RCVRN: variants seen among roughly 807,000 people sequenced by gnomAD.
RCVRN encodes the protein recoverin.
RCVRN carries 23 observed loss-of-function variants against 20.4 expected under a neutral mutation model. The observed-to-expected ratio is 1.13, with a 90% CI of 0.81 to 1.60. RCVRN has a LOEUF of 1.60. Ranked by LOEUF, RCVRN falls within the 40% of genes most tolerant of loss-of-function variation. RCVRN has a pLI of 0.00. For missense variants in RCVRN, 254 were observed against 254.2 expected (o/e 1.00, Z 0.00); for synonymous variants, 105 against 105.9 (o/e 0.99, Z 0.05).
chr17:9,900,521 C>A (rs1442274583), intron 2 of RCVRN, among the ~76,000 whole-genome samples: 1 of 128,800 alleles, frequency 7.8e-6, no homozygotes, highest in Non-Finnish European at 1.5e-5. Context: ...CTTTCTTTCC[C>A]TCTCTCCCTG....
chr17:9,897,819 G>A lies in RCVRN; in HGVS notation c.*276C>T, dbSNP rs760506339. The A allele has an allele frequency of 3.8e-5, 16 of 421,418 alleles. No homozygotes were observed. The highest frequency in any genetic ancestry group is 2.8e-4 in the Admixed American group (7 of 25,360). The allele number at this position is 421,418 out of a possible 1,614,324, so 26.1% of individuals were successfully genotyped here. On this transcript the variant is annotated 3_prime_UTR_variant, in exon 3 of 3. Transcript: ENST00000226193. ...TGGCCTAATCCTGGGATTAGCACAG[G>A]GCCATGGGCTGGTGGACAGAGGGAG...
In RCVRN at chr17:9,899,480, G is replaced by A. The variant is rs368667021; in HGVS notation, c.494-1276C>T. ...GGGGCTTCTGACGTCATCCCCTCCC[G>A]GGATGTTCACCAGGGAGGTTTTCAG... On this transcript the variant is annotated intron_variant, in intron 2 of 2. Coordinates refer to ENST00000226193, the MANE Select transcript of RCVRN (RefSeq NM_002903.3). This position sits in a 1 kb window ranked among gnomAD's most constrained non-coding sequence, Gnocchi z 4.6. Among the ~76,000 whole-genome samples the A allele has an allele frequency of 1.2e-3, 187 of 152,310 alleles. 1 individual carries two copies. The highest frequency in any genetic ancestry group is 4.2e-3 in the African/African-American group (174 of 41,562).
At chr17:9,903,739 G>C (rs1340283755) in intron 1 of RCVRN, among the ~76,000 whole-genome samples, 1 of 152,156 alleles carries the variant, frequency 6.6e-6, no homozygotes, top group African/African-American at 2.4e-5. Flanking sequence ...TTCTATGTGG[G>C]AACATCATAG....
chr17:9,897,999 T>TGTGTGTATGC lies in RCVRN; in HGVS notation c.*95_*96insGCATACACAC, dbSNP rs376748693. The TGTGTGTATGC allele has an allele frequency of 2.7e-6, 2 of 731,254 alleles. No individual in the cohort carries two copies. The highest frequency in any genetic ancestry group is 5.0e-6 in the Non-Finnish European group (2 of 399,864). The allele number at this position is 731,254 out of a possible 1,614,324, so 45.3% of individuals were successfully genotyped here. On this transcript the variant is annotated 3_prime_UTR_variant, in exon 3 of 3. Transcript: ENST00000226193. ...TGGGGTGGATGTGTGTGTGTGTGTG[T>TGTGTGTATGC]GCGCGCGCGTGTGTGTGCATGTGTG...
At chr17:9,900,043 TA>T (rs148974053) in intron 2 of RCVRN, among the ~76,000 whole-genome samples, 3 of 151,430 alleles carry the variant, frequency 2.0e-5, no homozygotes, top group African/African-American at 4.9e-5. Context: ...TGGCTTCTCT[TA>T]AAAAAAAATC....
At chr17:9,902,252 C>T (rs1409099197) in intron 1 of RCVRN, among the ~76,000 whole-genome samples, 6 of 152,154 alleles carry the variant, frequency 3.9e-5, no homozygotes, top group Non-Finnish European at 7.3e-5. Flanking sequence ...AGAGACCCCA[C>T]AGCCAATCCG....
Position 9,904,768 on chromosome 17 carries a change from C to A in RCVRN, c.381+32G>T. ...CCCCAGCCCGGAGCGACCCCGGCAC[C>A]GCCCAGCCAGAAGGGGAGAGGGGAG... is the stretch of plus-strand genomic sequence containing the variant. On this transcript the variant is annotated intron_variant, in intron 1 of 2. Transcript: ENST00000226193. This position sits in a 1 kb window ranked among gnomAD's most constrained non-coding sequence, Gnocchi z 5.8. The A allele has an allele frequency of 7.5e-6, 12 of 1,594,418 alleles. No homozygotes were observed. The highest frequency in any genetic ancestry group is 1.0e-5 in the Non-Finnish European group (12 of 1,168,134).
At chr17:9,901,151 G>T in intron 1 of RCVRN, 51 bp from the exon 2 acceptor site, 1 of 1,047,774 alleles carries the variant, frequency 9.5e-7, no homozygotes, top group Non-Finnish European at 1.4e-6. Flanking sequence ...TAAGGGGCTG[G>T]CAACCCTGGA....
intron 2 of RCVRN, among the ~76,000 whole-genome samples, chr17:9,900,357 C>G (rs1017833693): frequency 6.6e-6 from 1 of 151,946 alleles, no homozygotes; most frequent in East Asian, 1.9e-4. Flanking sequence ...CTGCTTCCAG[C>G]CACTGACTGA....
At position 9,899,731 on chromosome 17, in the gene RCVRN, G is replaced by A. The variant is rs983109846; in HGVS notation, c.493+1258C>T. 2.0e-5 allele frequency among the ~76,000 whole-genome samples: 3 copies of A among 152,148 alleles called. No homozygotes were observed. Among genetic ancestry groups the A allele is most frequent in the African/African-American group, 4.8e-5 (2 of 41,422 alleles). ...AATTTAAGGAGGCGCTCACTTTCAG[G>A]TCCTGTGAGTGCATTGTTGACCCCT... is the stretch of plus-strand genomic sequence containing the variant. On this transcript the variant is annotated intron_variant, in intron 2 of 2. Transcript: ENST00000226193. This position sits in a 1 kb window ranked among gnomAD's most constrained non-coding sequence, Gnocchi z 4.6.
Position 9,904,528 on chromosome 17 carries a change from G to A in RCVRN, c.381+272C>T, listed in dbSNP as rs1458060352. ...TTATGGGACCACAGTGGTCTATATC[G>A]TCCGTTGTTGACCCAAACATCGTGA... On this transcript the variant is annotated intron_variant, in intron 1 of 2. Coordinates refer to ENST00000226193, the MANE Select transcript of RCVRN (RefSeq NM_002903.3). This position sits in a 1 kb window ranked among gnomAD's most constrained non-coding sequence, Gnocchi z 5.8. Among the ~76,000 whole-genome samples the A allele has an allele frequency of 6.6e-6, 1 of 152,162 alleles. No individual in the cohort carries two copies. Among genetic ancestry groups the A allele is most frequent in the African/African-American group, 2.4e-5 (1 of 41,424 alleles).
intron 1 of RCVRN, among the ~76,000 whole-genome samples, chr17:9,903,863 C>A (rs2067351643): frequency 6.6e-6 from 1 of 152,198 alleles, no homozygotes; most frequent in African/African-American, 2.4e-5. Context: ...CTGAATGTTG[C>A]AGGCAGTTGT....
chr17:9,904,695 C>G lies in RCVRN; in HGVS notation c.381+105G>C. 1.5e-6 allele frequency: 2 copies of G among 1,345,330 alleles called. No individual in the cohort carries two copies. The highest frequency in any genetic ancestry group is 2.7e-4 in the Middle Eastern group (1 of 3,734). 83.3% of individuals were successfully genotyped at this position (1,345,330 alleles called of 1,614,324 possible). ...CTCAGAGCCAGTGGCCCGCATCCCC[C>G]GCTCCACCCACAGATCCACTCCCTC... is the stretch of plus-strand genomic sequence containing the variant. On this transcript the variant is annotated intron_variant, in intron 1 of 2. Transcript: ENST00000226193. The surrounding 1 kb of genome is among the most constrained non-coding windows in gnomAD (Gnocchi z 5.8).
Position 9,898,808 on chromosome 17 carries a change from C to T in RCVRN, c.494-604G>A, listed in dbSNP as rs1020747099. Among the ~76,000 whole-genome samples, 6 of 152,170 alleles carry T rather than the reference C, an allele frequency of 3.9e-5. No individual in the cohort carries two copies. The South Asian group carries it at 8.3e-4, about 21-fold the overall frequency. The stretch of plus-strand genomic sequence containing the variant: ...CCCCATGATTCCTGGCTGACAACTC[C>T]GCCATGATCCCTTCCTATGCATCCA... On this transcript the variant is annotated intron_variant, in intron 2 of 2. Coordinates refer to ENST00000226193, the MANE Select transcript of RCVRN (RefSeq NM_002903.3).
rs2067325710 is a variant in RCVRN, at chr17:9,898,014, GT to G, written c.*80del. The G allele has an allele frequency of 2.3e-6, 2 of 865,224 alleles. No homozygotes were observed. Among genetic ancestry groups the G allele is most frequent in the Middle Eastern group, 2.2e-4 (1 of 4,556 alleles). The allele number at this position is 865,224 out of a possible 1,614,324, so 53.6% of individuals were successfully genotyped here. Reference sequence around the variant, plus strand: ...TGTGTGTGTGTGCGCGCGCGTGTGTGTGCATGTGTGTGTGTGTGCACAGGCG... The same window carrying G: ...TGTGTGTGTGTGCGCGCGCGTGTGTGGCATGTGTGTGTGTGTGCACAGGCG... On this transcript the variant is annotated 3_prime_UTR_variant, in exon 3 of 3. Coordinates refer to ENST00000226193, the MANE Select transcript of RCVRN (RefSeq NM_002903.3).
chr17:9,898,329 A>T, intron 2 of RCVRN, 125 bp from the exon 3 acceptor site: 1 of 665,006 alleles, frequency 1.5e-6, no homozygotes. Flanking sequence ...AGAATATTGA[A>T]TACTCAGTGG....
Position 9,899,023 on chromosome 17 carries a change from G to A in RCVRN, c.494-819C>T, listed in dbSNP as rs997380164. On this transcript the variant is annotated intron_variant, in intron 2 of 2. Transcript: ENST00000226193. The surrounding 1 kb of genome is among the most constrained non-coding windows in gnomAD (Gnocchi z 4.6). ...TGGAGCCAAGGCCACCACAGGGAGCGGAGGCGGGGTGTACAATAGAAGAGA... is the reference window on the plus strand; with the variant it reads ...TGGAGCCAAGGCCACCACAGGGAGCAGAGGCGGGGTGTACAATAGAAGAGA... Among the ~76,000 whole-genome samples, 11 of 152,280 alleles carry A rather than the reference G, an allele frequency of 7.2e-5. No homozygotes were observed. Among genetic ancestry groups the A allele is most frequent in the Middle Eastern group, 6.8e-3 (2 of 294 alleles).
At chr17:9,898,558 C>G (rs2067328910) in intron 2 of RCVRN, among the ~76,000 whole-genome samples, 1 of 152,184 alleles carries the variant, frequency 6.6e-6, no homozygotes, top group Non-Finnish European at 1.5e-5. Flanking sequence ...AATTGTTATT[C>G]TATTTTCTAT....
chr17:9,904,472 G>A lies in RCVRN; in HGVS notation c.381+328C>T, dbSNP rs890300856. On this transcript the variant is annotated intron_variant, in intron 1 of 2. Coordinates refer to ENST00000226193, the MANE Select transcript of RCVRN (RefSeq NM_002903.3). The surrounding 1 kb of genome is among the most constrained non-coding windows in gnomAD (Gnocchi z 5.8). ...AGTAACTGTGCTATGACGTCACTAG[G>A]CAGTAGGAATTTTTCAGCTCCATTA... Among the ~76,000 whole-genome samples the A allele has an allele frequency of 6.6e-6, 1 of 152,236 alleles. No individual in the cohort carries two copies. Among genetic ancestry groups the A allele is most frequent in the Non-Finnish European group, 1.5e-5 (1 of 68,040 alleles).
Sources: allele counts gnomAD v4.1 joint callset (sites outside exome capture counted in the v4.1 genomes callset), GRCh38; gene constraint gnomAD v4.1.1; non-coding constraint Gnocchi (gnomAD v3.1); transcripts MANE v1.5; gene names NCBI Gene and HGNC (gene_info 2026-07-23, HGNC 2026-07-21).